Variants in CDH22 observed in about 807,000 individuals in gnomAD.
CDH22 encodes the protein cadherin-22.
A neutral mutation model predicts 58.4 loss-of-function variants in CDH22; 30 were observed. The observed-to-expected ratio is 0.51, with a 90% CI of 0.38 to 0.70. The LOEUF is 0.70. Among genes scored for constraint, CDH22 ranks in the 30% least tolerant of loss-of-function variants. The pLI is 0.00. For missense variants in CDH22, 1,014 were observed against 1,233.9 expected (o/e 0.82, Z 2.67); for synonymous variants, 513 against 558.2 (o/e 0.92, Z 1.14).
intron 1 of CDH22, among the ~76,000 whole-genome samples, chr20:46,280,647 G>A (rs1166990415): frequency 6.6e-6 from 1 of 152,220 alleles, no homozygotes; most frequent in Non-Finnish European, 1.5e-5. Context: ...AGGCAGTGTA[G>A]TGCTGAGGAT....
At position 46,228,286 on chromosome 20, in the gene CDH22, C is replaced by G. The variant is rs548653721; in HGVS notation, c.551-659G>C. ...CTTCCCTTTGGAAAGTTGTTGGCTG[C>G]GGGCCCTGGTGCCCTCCTCGCCCCT... On this transcript the variant is annotated intron_variant, in intron 3 of 11. Coordinates refer to ENST00000537909, the MANE Select transcript of CDH22 (RefSeq NM_021248.3). Among the ~76,000 whole-genome samples the G allele has an allele frequency of 2.0e-5, 3 of 152,316 alleles. No individual in the cohort carries two copies. In the East Asian group the frequency reaches 5.8e-4, roughly 29 times the overall value.
At chr20:46,263,902 T>G (rs1422730738) in intron 1 of CDH22, among the ~76,000 whole-genome samples, 1 of 152,124 alleles carries the variant, frequency 6.6e-6, no homozygotes, top group African/African-American at 2.4e-5. Flanking sequence ...AGGCTGGAAC[T>G]GGGGACCCGT....
chr20:46,218,020 T>C (rs1255037351), intron 4 of CDH22, among the ~76,000 whole-genome samples: 1 of 151,562 alleles, frequency 6.6e-6, no homozygotes, highest in Non-Finnish European at 1.5e-5. Flanking sequence ...TCCTCCCGGG[T>C]TCAAGCAACT....
intron 1 of CDH22, among the ~76,000 whole-genome samples, chr20:46,286,597 C>T (rs2086577906): frequency 6.6e-6 from 1 of 152,116 alleles, no homozygotes; most frequent in South Asian, 2.1e-4. Flanking sequence ...CCCGATCCGC[C>T]GATCCCCCGA....
At position 46,174,550 on chromosome 20, in the gene CDH22, G is replaced by C. The variant is rs769091962; in HGVS notation, c.2443C>G (p.Leu815Val). Reference protein sequence around the residue: ...WGPRFRPLAALYAGHRGDDEA... With the variant: ...WGPRFRPLAAVYAGHRGDDEA... ...TCGTCCCCGCGGTGGCCGGCGTAGAGCGCGGCCAGGGGCCGGAAGCGCGGA... is the reference window on the plus strand; with the variant it reads ...TCGTCCCCGCGGTGGCCGGCGTAGACCGCGGCCAGGGGCCGGAAGCGCGGA... The change falls in exon 12 of 12, where the codon CTC (leucine) becomes GTC (valine). Residue 815 changes from leucine (L) to valine (V), a missense_variant. Leu to Val is a conservative substitution (Grantham distance 32). Coordinates refer to ENST00000537909, the MANE Select transcript of CDH22 (RefSeq NM_021248.3). This position sits in a 1 kb window ranked among gnomAD's most constrained non-coding sequence, Gnocchi z 4.4. 3 of 1,524,924 alleles carry C rather than the reference G, an allele frequency of 2.0e-6. No individual in the cohort carries two copies. The highest frequency in any genetic ancestry group is 1.8e-6 in the Non-Finnish European group (2 of 1,141,978). 94.5% of individuals were successfully genotyped at this position (1,524,924 alleles called of 1,614,324 possible). A position where few individuals can be genotyped will look rare whatever the true frequency, so the allele number is the denominator to read the frequency against.
chr20:46,279,435 G>A (rs1334320558), intron 1 of CDH22, among the ~76,000 whole-genome samples: 1 of 152,148 alleles, frequency 6.6e-6, no homozygotes, highest in Non-Finnish European at 1.5e-5. Context: ...TTCATCTGAT[G>A]GAACACAGCC....
intron 8 of CDH22, among the ~76,000 whole-genome samples, chr20:46,191,299 G>A (rs1053192764): frequency 3.9e-5 from 6 of 152,148 alleles, no homozygotes; most frequent in Non-Finnish European, 8.8e-5. Context: ...GGATCAGCAC[G>A]TGCAAAGGCC....
Position 46,241,370 on chromosome 20 carries a change from A to G in CDH22, c.256-113T>C. The G allele has an allele frequency of 1.1e-6, 1 of 903,766 alleles. No individual in the cohort carries two copies. The highest frequency in any genetic ancestry group is 1.6e-6 in the Non-Finnish European group (1 of 607,270). The allele number at this position is 903,766 out of a possible 1,614,324, so 56.0% of individuals were successfully genotyped here. ...TAAGCCCATCTCTTCTCCAGCACAT[A>G]CACATCTTTAGTGAGGACACTGAGG... On this transcript the variant is annotated intron_variant, in intron 2 of 11. Transcript: ENST00000537909. This position sits in a 1 kb window ranked among gnomAD's most constrained non-coding sequence, Gnocchi z 5.2.
chr20:46,231,753 C>T (rs900371438), intron 3 of CDH22, among the ~76,000 whole-genome samples: 10 of 152,148 alleles, frequency 6.6e-5, no homozygotes, highest in Admixed American at 2.6e-4. Context: ...GAGATGCCCT[C>T]GCATCTCCAT....
intron 11 of CDH22, among the ~76,000 whole-genome samples, chr20:46,175,395 T>C (rs1169213663): frequency 6.6e-6 from 1 of 152,096 alleles, no homozygotes; most frequent in Non-Finnish European, 1.5e-5. Flanking sequence ...TTCTCAGCCC[T>C]ATGAAGAGAT....
At chr20:46,260,129 T>C (rs1246941811) in intron 1 of CDH22, among the ~76,000 whole-genome samples, 1 of 152,186 alleles carries the variant, frequency 6.6e-6, no homozygotes, top group African/African-American at 2.4e-5. Context: ...AAATATATCT[T>C]CTGTGAGCTT....
intron 1 of CDH22, among the ~76,000 whole-genome samples, chr20:46,280,395 G>A (rs977580058): frequency 3.9e-5 from 6 of 152,214 alleles, no homozygotes; most frequent in Admixed American, 3.9e-4. Flanking sequence ...ACTCCAGCCT[G>A]GGCGACAGAG....
intron 5 of CDH22, among the ~76,000 whole-genome samples, chr20:46,214,063 G>T (rs1816517556): frequency 6.6e-6 from 1 of 152,174 alleles, no homozygotes; most frequent in Admixed American, 6.5e-5. Context: ...AAAGTCAGAA[G>T]GTGGGGAGGG....
At chr20:46,247,165 G>A (rs528441233) in intron 2 of CDH22, among the ~76,000 whole-genome samples, 3 of 152,152 alleles carry the variant, frequency 2.0e-5, no homozygotes, top group Non-Finnish European at 4.4e-5. Flanking sequence ...ATCCATAATA[G>A]TGAGACTTAC....
chr20:46,234,825 A>C (rs1001707103), intron 3 of CDH22, among the ~76,000 whole-genome samples: 7 of 152,362 alleles, frequency 4.6e-5, no homozygotes, highest in Non-Finnish European at 7.3e-5. Flanking sequence ...GACGAAACTG[A>C]TCTGCTACCA....
intron 1 of CDH22, among the ~76,000 whole-genome samples, chr20:46,293,782 C>G (rs940322091): frequency 6.6e-6 from 1 of 152,060 alleles, no homozygotes; most frequent in African/African-American, 2.4e-5. Flanking sequence ...TTTCGAAGGC[C>G]AAGGCGGGCG....
intron 8 of CDH22, among the ~76,000 whole-genome samples, chr20:46,192,920 C>G (rs952163207): frequency 6.6e-6 from 1 of 152,064 alleles, no homozygotes; most frequent in Admixed American, 6.5e-5. Flanking sequence ...CCCATGCCCC[C>G]CCCCAGTGGG....
intron 7 of CDH22, among the ~76,000 whole-genome samples, chr20:46,203,827 A>T (rs1026547015): frequency 5.9e-5 from 9 of 152,140 alleles, no homozygotes; most frequent in Non-Finnish European, 1.0e-4. Flanking sequence ...TGGGTCTAGA[A>T]GGTTCTGCTT....
chr20:46,182,929 C>T (rs957780331), intron 10 of CDH22, among the ~76,000 whole-genome samples: 3 of 152,156 alleles, frequency 2.0e-5, no homozygotes, highest in Non-Finnish European at 4.4e-5. Flanking sequence ...AGGCCTTCCA[C>T]GGCTGCTGTG....
Sources: allele counts gnomAD v4.1 joint callset (sites outside exome capture counted in the v4.1 genomes callset), GRCh38; gene constraint gnomAD v4.1.1; non-coding constraint Gnocchi (gnomAD v3.1); transcripts MANE v1.5; gene names NCBI Gene and HGNC (gene_info 2026-07-23, HGNC 2026-07-21).